The following DDX4 variants were observed in gnomAD, a reference collection of about 807,000 sequenced individuals.
DDX4 encodes the protein probable ATP-dependent RNA helicase DDX4.
DDX4 carries 25 observed loss-of-function variants against 100.0 expected under a neutral mutation model. The ratio of observed to expected loss-of-function variants is 0.25; its 90% CI spans 0.18 to 0.35. DDX4 has a LOEUF of 0.35. DDX4 is among the 10% of genes least tolerant of loss of function. The pLI is 1.00. For synonymous variants in DDX4, 259 were observed against 275.7 expected, an observed-to-expected ratio of 0.94 and a Z score of 0.60; for missense variants, 635 against 882.4, an observed-to-expected ratio of 0.72 and a Z score of 3.55.
intron 7 of DDX4, among the ~76,000 whole-genome samples, chr5:55,777,865 A>G (rs772146363): frequency 3.9e-5 from 6 of 152,234 alleles, no homozygotes; most frequent in Non-Finnish European, 7.4e-5. Context: ...AGTTCTGAAC[A>G]TGGTTCTAAT....
intron 18 of DDX4, among the ~76,000 whole-genome samples, chr5:55,812,486 C>A (rs1744175428): frequency 6.6e-6 from 1 of 151,994 alleles, no homozygotes; most frequent in Non-Finnish European, 1.5e-5. Flanking sequence ...ATGGCGTGAA[C>A]CCGGGAGGCG....
chr5:55,806,931 G>C (rs980446194), intron 18 of DDX4, among the ~76,000 whole-genome samples: 29 of 152,048 alleles, frequency 1.9e-4, no homozygotes, highest in African/African-American at 5.6e-4. Flanking sequence ...GTGTTAAAGT[G>C]TCCCATTATT....
At chr5:55,779,867 T>C (rs1741800810) in intron 7 of DDX4, 97 bp from the exon 8 acceptor site, 1 of 1,478,880 alleles carries the variant, frequency 6.8e-7, no homozygotes. Context: ...TGTTTAAAGT[T>C]ACTGAATTAT....
In DDX4 at chr5:55,816,670, TA is replaced by T. The variant is rs577314852; in HGVS notation, c.*140del. 23,961 of 1,213,082 alleles carry T rather than the reference TA, an allele frequency of 0.02. No homozygotes were observed. Among genetic ancestry groups the T allele is most frequent in the South Asian group, 0.032 (1,693 of 52,410 alleles). 75.1% of individuals were successfully genotyped at this position (1,213,082 alleles called of 1,614,324 possible). On this transcript the variant is annotated 3_prime_UTR_variant, in exon 22 of 22. Coordinates refer to ENST00000505374, the MANE Select transcript of DDX4 (RefSeq NM_024415.3). The stretch of plus-strand genomic sequence containing the variant: ...GTCCTTGTATTCTCACTCCTACACT[TA>T]AAAAAAAAATCCTTACTGACTAGTT...
rs138408598 is a variant in DDX4, at chr5:55,759,169, T to C, written c.128-1031T>C. ...GGTCTCCCAAAGCTGTTTCCTATTT[T>C]ATTAATTTTCGTTCTTTATTTCCTT... On this transcript the variant is annotated intron_variant, in intron 3 of 21. Coordinates refer to ENST00000505374, the MANE Select transcript of DDX4 (RefSeq NM_024415.3). Among the ~76,000 whole-genome samples the C allele has an allele frequency of 1.7e-3, 255 of 152,108 alleles. 1 individual carries two copies. The highest frequency in any genetic ancestry group is 5.9e-3 in the African/African-American group (246 of 41,544).
intron 2 of DDX4, among the ~76,000 whole-genome samples, chr5:55,745,960 A>G (rs1759227841): frequency 6.6e-6 from 1 of 152,202 alleles, no homozygotes; most frequent in African/African-American, 2.4e-5. Context: ...ATTGATATAT[A>G]TTAGTACTAT....
At chr5:55,757,917 C>T (rs957207711) in intron 3 of DDX4, among the ~76,000 whole-genome samples, 2 of 152,074 alleles carry the variant, frequency 1.3e-5, no homozygotes, top group Non-Finnish European at 2.9e-5. Flanking sequence ...TTGTGGTACA[C>T]GCCTCTAGTC....
In DDX4 at chr5:55,790,591, T is replaced by A; in HGVS notation, c.1188T>A (p.Ala396=). ...TTGTTAATAGGACTTGTGTAAGAGC[T>A]GTTGTTATATATGGGGGAACCCAGC... is the stretch of plus-strand genomic sequence containing the variant. ...RKFSFGTCVR[A]VVIYGGTQLG... is the part of the protein sequence containing the mutation. Residue 396 remains alanine, a synonymous_variant, in exon 16 of 22, where the codon GCT becomes GCA. Coordinates refer to ENST00000505374, the MANE Select transcript of DDX4 (RefSeq NM_024415.3). 6.3e-7 allele frequency: 1 copy of A among 1,596,256 alleles called. No homozygotes were observed. The highest frequency in any genetic ancestry group is 8.6e-7 in the Non-Finnish European group (1 of 1,164,254).
At chr5:55,741,748 AGCT>A in intron 2 of DDX4, among the ~76,000 whole-genome samples, 1 of 152,226 alleles carries the variant, frequency 6.6e-6, no homozygotes, top group East Asian at 1.9e-4. Context: ...AAGTCCGGGC[AGCT>A]GCACTCCAGC....
chr5:55,742,805 G>C (rs1735107765), intron 2 of DDX4, among the ~76,000 whole-genome samples: 1 of 152,186 alleles, frequency 6.6e-6, no homozygotes, highest in South Asian at 2.1e-4. Context: ...TACTGGAGAA[G>C]ACAGAATAAG....
At chr5:55,807,965 T>C (rs1743857071) in intron 18 of DDX4, among the ~76,000 whole-genome samples, 1 of 152,244 alleles carries the variant, frequency 6.6e-6, no homozygotes, top group African/African-American at 2.4e-5. Flanking sequence ...CAATCAGATG[T>C]AGATATGGTC....
At chr5:55,751,704 C>G (rs186148456) in intron 3 of DDX4, among the ~76,000 whole-genome samples, 97 of 152,310 alleles carry the variant, frequency 6.4e-4, no homozygotes, top group Admixed American at 1.2e-3. Context: ...ATTTTAGGCT[C>G]TTTCCTGATT....
intron 4 of DDX4, among the ~76,000 whole-genome samples, chr5:55,760,497 TG>T (rs1259324302): frequency 3.3e-5 from 5 of 152,102 alleles, no homozygotes; most frequent in Admixed American, 6.5e-5. Context: ...TTAGACAGAT[TG>T]GTTGGAGGGA....
chr5:55,802,295 A>G (rs771191093), intron 18 of DDX4, among the ~76,000 whole-genome samples: 65 of 152,288 alleles, frequency 4.3e-4, no homozygotes, highest in Non-Finnish European at 7.6e-4. Context: ...ATCAGATATG[A>G]TTTTAGAATG....
rs1288287314 is a variant in DDX4 at position 55,787,982 on chromosome 5, C to T, written c.1154C>T (p.Ala385Val). The change falls in exon 15 of 22, where the codon GCC (alanine) becomes GTC (valine). Residue 385 changes from alanine (A) to valine (V), a missense_variant. Ala to Val is a moderately conservative substitution (Grantham distance 64, BLOSUM62 0). Around this residue, in one of 4 missense-constraint regions of DDX4, gnomAD observed 446 missense variants for 540.8 expected, o/e 0.82. Transcript: ENST00000505374. ...RELVNQIYLEARKFSFGTCVR... is the reference protein window; with the variant it reads ...RELVNQIYLEVRKFSFGTCVR... The stretch of plus-strand genomic sequence containing the variant: ...TTGGTCAACCAGATTTATTTGGAAG[C>T]CAGAAAATTTTCTTTTGGGTAAGTA... 5 of 1,612,654 alleles carry T rather than the reference C, an allele frequency of 3.1e-6. No individual in the cohort carries two copies. The highest frequency in any genetic ancestry group is 4.2e-6 in the Non-Finnish European group (5 of 1,179,536).
At chr5:55,749,240 G>A (rs1408967198) in intron 3 of DDX4, among the ~76,000 whole-genome samples, 1 of 152,114 alleles carries the variant, frequency 6.6e-6, no homozygotes, top group Non-Finnish European at 1.5e-5. Flanking sequence ...GGGAAACAAA[G>A]TAAACAAAGT....
At chr5:55,795,123 G>A (rs1308562934) in intron 17 of DDX4, among the ~76,000 whole-genome samples, 2 of 151,930 alleles carry the variant, frequency 1.3e-5, no homozygotes, top group South Asian at 2.1e-4. Flanking sequence ...GTACCACCAC[G>A]TCCGGCTAAT....
At chr5:55,751,273 G>T (rs1759534280) in intron 3 of DDX4, among the ~76,000 whole-genome samples, 1 of 152,034 alleles carries the variant, frequency 6.6e-6, no homozygotes, top group African/African-American at 2.4e-5. Flanking sequence ...TTGCTCTGTT[G>T]TCCAGGCTGG....
intron 19 of DDX4, 147 bp downstream of exon 19, chr5:55,813,919 G>A: frequency 9.9e-7 from 1 of 1,013,710 alleles, no homozygotes; most frequent in Non-Finnish European, 1.3e-6. Context: ...CTTTATATGA[G>A]GAAAAGGATA....
Sources: gnomAD v4.1 joint callset for allele counts (sites outside exome capture counted in the v4.1 genomes callset) on GRCh38, gnomAD v4.1.1 for gene constraint, gnomAD v4.1.1 regional missense constraint, MANE v1.5 for transcripts, NCBI Gene and HGNC (gene_info 2026-07-23, HGNC 2026-07-21) for gene names.